The following SEMA3D variants were observed in gnomAD, a reference collection of about 807,000 sequenced individuals.
SEMA3D encodes the protein semaphorin 3D.
Under a neutral mutation model 100.1 loss-of-function variants are expected in SEMA3D, and 84 were observed. The observed-to-expected ratio is 0.84, with a 90% CI of 0.70 to 1.01. The LOEUF is 1.01. Among genes scored for constraint, SEMA3D ranks in the 50% least tolerant of loss-of-function variants. The pLI is 0.00. For missense variants in SEMA3D, 875 were observed against 934.1 expected, an observed-to-expected ratio of 0.94 and a Z score of 0.82; for synonymous variants, 312 against 320.7, an observed-to-expected ratio of 0.97 and a Z score of 0.29.
chr7:85,036,634 A>G (rs1790702699), intron 12 of SEMA3D, among the ~76,000 whole-genome samples: 3 of 152,068 alleles, frequency 2.0e-5, no homozygotes, highest in African/African-American at 7.2e-5. Flanking sequence ...TTCTATAAAC[A>G]TAAACATGTT....
chr7:85,035,801 G>GA (rs144996998), intron 12 of SEMA3D, among the ~76,000 whole-genome samples: 4 of 151,354 alleles, frequency 2.6e-5, no homozygotes, highest in Admixed American at 1.3e-4. Context: ...CATATTGTTT[G>GA]AAAAAAAACA....
Position 84,999,566 on chromosome 7 carries a change from G to C in SEMA3D, c.2208C>G (p.His736Gln). The C allele has an allele frequency of 6.2e-7, 1 of 1,614,060 alleles. No homozygotes were observed. Among genetic ancestry groups the C allele is most frequent in the Non-Finnish European group, 8.5e-7 (1 of 1,180,016 alleles). ...SLDQYCEQMWHREKRRQRNKG... is the reference protein window; with the variant it reads ...SLDQYCEQMWQREKRRQRNKG... ...TGTTTCTCTGTCTCCGCTTCTCCCT[G>C]TGCCACATCTGTTCGCAGTACTGGT... Residue 736 changes from histidine to glutamine, a missense_variant, in exon 19 of 19, where the codon CAC (histidine) becomes CAG (glutamine). Coordinates refer to ENST00000284136, the MANE Select transcript of SEMA3D (RefSeq NM_001384900.1).
chr7:85,100,585 G>C (rs1419507935), intron 3 of SEMA3D, among the ~76,000 whole-genome samples: 1 of 151,820 alleles, frequency 6.6e-6, no homozygotes, highest in African/African-American at 2.4e-5. Context: ...AAGATAAAAA[G>C]AGATAATGTC....
chr7:85,142,351 C>T, intron 2 of SEMA3D: 6 of 934,306 alleles, frequency 6.4e-6, no homozygotes, highest in South Asian at 4.9e-5. Flanking sequence ...AATTTTATTG[C>T]TTTAAAATCA....
At chr7:85,151,630 T>TGA (rs1790424117) in intron 2 of SEMA3D, 2 of 853,912 alleles carry the variant, frequency 2.3e-6, no homozygotes, top group African/African-American at 3.9e-5. Flanking sequence ...TGTGTGTGTG[T>TGA]GATCAAGGTA....
At chr7:85,019,255 C>A (rs1036843793) in intron 14 of SEMA3D, among the ~76,000 whole-genome samples, 1 of 151,708 alleles carries the variant, frequency 6.6e-6, no homozygotes, top group Non-Finnish European at 1.5e-5. Flanking sequence ...CACCATTGAA[C>A]GAGACTTGTT....
intron 3 of SEMA3D, among the ~76,000 whole-genome samples, chr7:85,102,008 G>A (rs1237059874): frequency 6.6e-6 from 1 of 151,994 alleles, no homozygotes; most frequent in African/African-American, 2.4e-5. Context: ...TAAGTGTTGA[G>A]TATGGGGTTA....
At chr7:85,145,866 C>T (rs1790191078) in intron 2 of SEMA3D, among the ~76,000 whole-genome samples, 1 of 152,086 alleles carries the variant, frequency 6.6e-6, no homozygotes, top group Admixed American at 6.6e-5. Context: ...TCACCTCTTC[C>T]CCTATACATT....
intron 2 of SEMA3D, chr7:85,141,813 A>G (rs1036601832): frequency 5.3e-6 from 4 of 758,872 alleles, no homozygotes; most frequent in Non-Finnish European, 6.4e-6. Flanking sequence ...TGTAACCCCT[A>G]CTAATAACCA....
chr7:85,184,868 C>G (rs957037463), intron 1 of SEMA3D, among the ~76,000 whole-genome samples: 37 of 152,158 alleles, frequency 2.4e-4, no homozygotes, highest in African/African-American at 8.2e-4. Flanking sequence ...TCCGCTGGGG[C>G]GAGTCTCAGA....
At chr7:85,156,248 G>T (rs561074366) in intron 1 of SEMA3D, among the ~76,000 whole-genome samples, 1 of 151,768 alleles carries the variant, frequency 6.6e-6, no homozygotes, top group Admixed American at 6.6e-5. Context: ...GACTACAAGC[G>T]CGTGCCACCA....
At chr7:85,074,628 T>C (rs928829814) in intron 5 of SEMA3D, among the ~76,000 whole-genome samples, 4 of 148,992 alleles carry the variant, frequency 2.7e-5, no homozygotes, top group Non-Finnish European at 4.4e-5. Flanking sequence ...CTGGCATATA[T>C]ATATATATAT....
intron 2 of SEMA3D, among the ~76,000 whole-genome samples, chr7:85,148,150 G>A (rs1209359293): frequency 6.6e-6 from 1 of 152,080 alleles, no homozygotes; most frequent in Non-Finnish European, 1.5e-5. Flanking sequence ...AAATGAATAA[G>A]TAAAAATTTG....
At chr7:85,165,345 A>G (rs1328787547) in intron 1 of SEMA3D, among the ~76,000 whole-genome samples, 2 of 152,142 alleles carry the variant, frequency 1.3e-5, no homozygotes, top group Non-Finnish European at 2.9e-5. Flanking sequence ...TTCACAGTAG[A>G]GAAATCATTT....
intron 8 of SEMA3D, among the ~76,000 whole-genome samples, chr7:85,059,190 G>A (rs572028021): frequency 6.6e-6 from 1 of 152,140 alleles, no homozygotes; most frequent in African/African-American, 2.4e-5. Flanking sequence ...ACTGCCATGT[G>A]TATTTTAAAC....
intron 12 of SEMA3D, chr7:85,027,968 C>T: frequency 1.7e-6 from 1 of 578,790 alleles, no homozygotes; most frequent in African/African-American, 1.9e-5. Flanking sequence ...TTACGGATAC[C>T]AAACAATTGA....
At chr7:85,155,614 T>C (rs1018685331) in intron 1 of SEMA3D, among the ~76,000 whole-genome samples, 4 of 152,184 alleles carry the variant, frequency 2.6e-5, no homozygotes, top group Non-Finnish European at 5.9e-5. Flanking sequence ...TTGCAAATGA[T>C]TCACTTATAC....
chr7:85,087,926 C>T (rs1350675726), intron 4 of SEMA3D, among the ~76,000 whole-genome samples: 1 of 152,018 alleles, frequency 6.6e-6, no homozygotes, highest in Non-Finnish European at 1.5e-5. Context: ...TCTTCAGTGC[C>T]TCCTTAAATA....
At chr7:85,181,701 G>C (rs921005345) in intron 1 of SEMA3D, 4 of 716,942 alleles carry the variant, frequency 5.6e-6, no homozygotes, top group South Asian at 6.3e-5. Context: ...GGAAAAAGGA[G>C]GGGAGAAAAA....
Sources: allele counts gnomAD v4.1 joint callset (sites outside exome capture counted in the v4.1 genomes callset), GRCh38; gene constraint gnomAD v4.1.1; transcripts MANE v1.5; gene names NCBI Gene and HGNC (gene_info 2026-07-23, HGNC 2026-07-21).